AOPEP: variants seen among roughly 807,000 people sequenced by gnomAD.
AOPEP encodes the protein aminopeptidase O.
AOPEP carries 77 observed loss-of-function variants against 98.1 expected under a neutral mutation model. The observed-to-expected ratio is 0.78, with a 90% confidence interval of 0.65 to 0.95. The LOEUF (loss-of-function observed/expected upper bound fraction) is 0.95, where lower values mean the gene tolerates loss of function less well. Ranked by LOEUF, AOPEP falls within the 40% of genes least tolerant of loss-of-function variation. The pLI, the probability that AOPEP is intolerant of heterozygous loss-of-function variation, is 0.00. For synonymous variants in AOPEP, 346 were observed against 365.3 expected, an observed-to-expected ratio of 0.95 and a Z score of 0.60; for missense variants, 1,024 against 1,024.7, an observed-to-expected ratio of 1.00 and a Z score of 0.01.
intron 5 of AOPEP, among the ~76,000 whole-genome samples, chr9:94,896,599 C>G (rs553040047): frequency 6.6e-6 from 1 of 152,270 alleles, no homozygotes; most frequent in Admixed American, 6.5e-5. Flanking sequence ...CACTTTATAT[C>G]TCTATTCTTT....
chr9:95,058,264 G>A lies in AOPEP; in HGVS notation c.2116-2430G>A, dbSNP rs114524601. 3.0e-3 allele frequency among the ~76,000 whole-genome samples: 451 copies of A among 152,262 alleles called. 2 individuals carry two copies. Among genetic ancestry groups the A allele is most frequent in the African/African-American group, 0.01 (426 of 41,540 alleles). ...GGACCAAGCTAGTTGTCTTACTCAG[G>A]GTTTCTTTGCTCTGTGTGTCTCTTT... On this transcript the variant is annotated intron_variant, in intron 13 of 16. Transcript: ENST00000375315.
At chr9:95,100,724 G>C in the AOPEP span, 1 of 227,110 alleles carries the variant, frequency 4.4e-6, no homozygotes, top group Non-Finnish European at 8.8e-6. Context: ...CCCACCTCCC[G>C]GGTTCAAGAG....
chr9:94,844,190 G>C (rs1216341681), intron 5 of AOPEP, among the ~76,000 whole-genome samples: 1 of 151,960 alleles, frequency 6.6e-6, no homozygotes, highest in Non-Finnish European at 1.5e-5. Context: ...CGAGTAGCTG[G>C]GATTACAGGC....
intron 3 of AOPEP, among the ~76,000 whole-genome samples, chr9:94,789,561 A>AT (rs1845189266): frequency 6.6e-6 from 1 of 152,062 alleles, no homozygotes; most frequent in African/African-American, 2.4e-5. Flanking sequence ...TTCAGCTCTC[A>AT]TTATGTTTCC....
intron 7 of AOPEP, among the ~76,000 whole-genome samples, chr9:94,948,400 G>A (rs1253724496): frequency 6.6e-6 from 1 of 151,834 alleles, no homozygotes; most frequent in Non-Finnish European, 1.5e-5. Flanking sequence ...TGAATTTCTG[G>A]AATTGGCCCT....
At chr9:95,059,978 A>G (rs1476723455) in intron 13 of AOPEP, among the ~76,000 whole-genome samples, 1 of 152,142 alleles carries the variant, frequency 6.6e-6, no homozygotes. Context: ...CATTTCTTGT[A>G]TTTCACATAC....
intron 13 of AOPEP, among the ~76,000 whole-genome samples, chr9:95,038,024 C>T (rs975464301): frequency 1.3e-5 from 2 of 152,158 alleles, no homozygotes; most frequent in Non-Finnish European, 2.9e-5. Context: ...TTCCATCCAG[C>T]TGTCTGTCCG....
chr9:95,105,521 G>T, the AOPEP span, among the ~76,000 whole-genome samples: 4 of 152,224 alleles, frequency 2.6e-5, no homozygotes, highest in Non-Finnish European at 5.9e-5. Flanking sequence ...TTAAATTGTG[G>T]TAAAATATAC....
At chr9:94,933,252 C>G in intron 7 of AOPEP, 1 of 985,602 alleles carries the variant, frequency 1.0e-6, no homozygotes, top group Non-Finnish European at 1.2e-6. Context: ...TGCCTCCTGT[C>G]TCCAGGGTGC....
chr9:94,927,104 C>T (rs79047709), intron 6 of AOPEP, among the ~76,000 whole-genome samples: 1,754 of 152,298 alleles, frequency 0.012, 61 homozygotes, highest in Admixed American at 0.057. Context: ...CCTCACTCTT[C>T]CTGGCTTGCA....
At chr9:94,781,514 C>A (rs996559625) in intron 3 of AOPEP, among the ~76,000 whole-genome samples, 1 of 149,618 alleles carries the variant, frequency 6.7e-6, no homozygotes, top group African/African-American at 2.4e-5. Flanking sequence ...TGGTTTAGTA[C>A]ATTATTATTT....
intron 13 of AOPEP, among the ~76,000 whole-genome samples, chr9:95,022,645 G>GTT (rs10659843): frequency 0.77 from 115,384 of 150,686 alleles, 46,140 homozygotes; most frequent in Non-Finnish European, 0.89. Context: ...GGCCTATTTT[G>GTT]TTTTTTTTTA....
At chr9:94,955,430 C>T (rs1044366581) in intron 8 of AOPEP, 151 bp downstream of exon 8, 2 of 590,286 alleles carry the variant, frequency 3.4e-6, no homozygotes, top group Non-Finnish European at 5.9e-6. Context: ...GTAATTAAAG[C>T]ACTTCATGCC....
intron 5 of AOPEP, among the ~76,000 whole-genome samples, chr9:94,894,702 C>T (rs2049269874): frequency 6.6e-6 from 1 of 152,106 alleles, no homozygotes; most frequent in East Asian, 1.9e-4. Context: ...TGTTTATGAC[C>T]AGCAAAATAC....
chr9:95,107,661 C>T, the AOPEP span: 12 of 375,260 alleles, frequency 3.2e-5, no homozygotes, highest in Admixed American at 3.3e-4. Flanking sequence ...AGACCTCCGC[C>T]GAGCCAGTGT....
the AOPEP span, chr9:95,117,266 C>T: frequency 6.5e-7 from 1 of 1,538,414 alleles, no homozygotes; most frequent in Non-Finnish European, 9.0e-7. Context: ...TTTGACAATG[C>T]TCTTCCCAGG....
chr9:95,096,580 C>T, the AOPEP span, among the ~76,000 whole-genome samples: 3 of 152,300 alleles, frequency 2.0e-5, no homozygotes, highest in East Asian at 5.8e-4. Flanking sequence ...CCTAGAGATG[C>T]CATGTGAAGC....
chr9:94,973,518 G>A (rs2059653820), intron 10 of AOPEP, among the ~76,000 whole-genome samples: 3 of 152,186 alleles, frequency 2.0e-5, no homozygotes, highest in African/African-American at 7.2e-5. Context: ...CCCCTGCCGT[G>A]TTAACTAAGT....
intron 5 of AOPEP, among the ~76,000 whole-genome samples, chr9:94,829,208 A>ACACACG (rs975338330): frequency 1.4e-4 from 22 of 152,130 alleles, no homozygotes; most frequent in African/African-American, 4.8e-4. Context: ...ACACACACAC[A>ACACACG]CACACGCACA....
Sources: gnomAD v4.1 joint callset for allele counts (sites outside exome capture counted in the v4.1 genomes callset) on GRCh38, gnomAD v4.1.1 for gene constraint, MANE v1.5 for transcripts, NCBI Gene and HGNC (gene_info 2026-07-23, HGNC 2026-07-21) for gene names.